The following CSMD1 variants were observed in gnomAD, a reference collection of about 807,000 sequenced individuals.
CSMD1 encodes CUB and sushi domain-containing protein 1.
A neutral mutation model predicts 417.5 loss-of-function variants in CSMD1; 213 were observed. That is an observed-to-expected ratio of 0.51 (90% CI 0.46 to 0.57). The LOEUF is 0.57. CSMD1 is among the 20% of genes least tolerant of loss of function. CSMD1 has a pLI of 0.00. For synonymous variants in CSMD1, 2,862 were observed against 1,736.8 expected (o/e 1.65, Z -16.11); for missense variants, 6,923 against 4,529.7 (o/e 1.53, Z -15.17).
chr8:3,913,295 C>T lies in CSMD1; in HGVS notation c.818+84608G>A, dbSNP rs1196778776. On this transcript the variant is annotated intron_variant, in intron 5 of 69. Transcript: ENST00000635120. ...CATGGGGAGGTTTTTGTCAAAGGAT[C>T]CTGTGAGGACCATCGACCTGCTCAG... is the stretch of plus-strand genomic sequence containing the variant. Among the ~76,000 whole-genome samples, 3 of 152,130 alleles carry T rather than the reference C, an allele frequency of 2.0e-5. No homozygotes were observed. In the South Asian group the frequency reaches 6.2e-4, roughly 32 times the overall value.
chr8:4,593,293 C>T (rs950737233), intron 2 of CSMD1, among the ~76,000 whole-genome samples: 10 of 152,220 alleles, frequency 6.6e-5, no homozygotes, highest in African/African-American at 2.2e-4. Flanking sequence ...GTTCCCTCTC[C>T]TCTTTACGCA....
chr8:3,442,015 T>C lies in CSMD1; in HGVS notation c.1561+26697A>G, dbSNP rs555859812. 3.9e-5 allele frequency among the ~76,000 whole-genome samples: 6 copies of C among 152,064 alleles called. No homozygotes were observed. In the South Asian group the frequency reaches 1.2e-3, roughly 32 times the overall value. ...AGACAGTGTGTAGGCCTAAGCTATG[T>C]TTTGTGTGTTTGTGTATTAGTTTTA... On this transcript the variant is annotated intron_variant, in intron 12 of 69. Coordinates refer to ENST00000635120, the MANE Select transcript of CSMD1 (RefSeq NM_033225.6).
chr8:4,231,500 T>G (rs533043362), intron 3 of CSMD1, among the ~76,000 whole-genome samples: 1 of 139,154 alleles, frequency 7.2e-6, no homozygotes, highest in South Asian at 2.6e-4. Flanking sequence ...GCCCTTCAAT[T>G]AGGAGACATA....
chr8:4,413,321 C>A (rs562639198), intron 3 of CSMD1, among the ~76,000 whole-genome samples: 18 of 152,248 alleles, frequency 1.2e-4, no homozygotes, highest in African/African-American at 2.9e-4. Context: ...TAACTACGCT[C>A]GTGGGGCTGC....
intron 3 of CSMD1, among the ~76,000 whole-genome samples, chr8:4,083,475 A>G (rs192275485): frequency 1.2e-4 from 18 of 152,324 alleles, no homozygotes; most frequent in Admixed American, 9.8e-4. Flanking sequence ...ACAGCATGGT[A>G]CTGGTACCAA....
At chr8:3,418,305 G>C (rs1050929437) in intron 12 of CSMD1, among the ~76,000 whole-genome samples, 2 of 152,120 alleles carry the variant, frequency 1.3e-5, no homozygotes, top group Admixed American at 6.5e-5. Context: ...CATCTCGCTT[G>C]TCTCATGGAG....
intron 3 of CSMD1, among the ~76,000 whole-genome samples, chr8:4,126,815 G>C (rs985551303): frequency 1.2e-4 from 19 of 152,130 alleles, no homozygotes; most frequent in African/African-American, 4.3e-4. Flanking sequence ...CCTAACCTGG[G>C]GTAGGAGATG....
At chr8:4,037,804 T>A (rs950264786) in intron 3 of CSMD1, among the ~76,000 whole-genome samples, 8 of 152,092 alleles carry the variant, frequency 5.3e-5, no homozygotes, top group Non-Finnish European at 1.0e-4. Context: ...CAGGTTGGAA[T>A]TGAATCTTTT....
chr8:3,736,317 C>G (rs1362413468), intron 6 of CSMD1, among the ~76,000 whole-genome samples: 1 of 152,062 alleles, frequency 6.6e-6, no homozygotes, highest in Non-Finnish European at 1.5e-5. Flanking sequence ...TCACGACTCA[C>G]TGCAGCCTCC....
At chr8:3,872,945 T>G (rs1420395233) in intron 5 of CSMD1, among the ~76,000 whole-genome samples, 3 of 151,130 alleles carry the variant, frequency 2.0e-5, no homozygotes, top group African/African-American at 2.4e-5. Context: ...AACAATCATA[T>G]GAAAAAAAGC....
intron 23 of CSMD1, among the ~76,000 whole-genome samples, chr8:3,339,863 C>G (rs989564588): frequency 2.0e-5 from 3 of 152,124 alleles, no homozygotes; most frequent in Middle Eastern, 3.2e-3. Context: ...TCATTATACA[C>G]CAGAAGCATA....
chr8:3,813,148 T>A (rs566632851), intron 5 of CSMD1, among the ~76,000 whole-genome samples: 7 of 151,690 alleles, frequency 4.6e-5, no homozygotes, highest in Non-Finnish European at 8.8e-5. Context: ...CCCACTGGCA[T>A]TGTAACACAA....
chr8:3,151,212 T>A (rs144587908), intron 40 of CSMD1, 185 bp downstream of exon 40: 3 of 518,450 alleles, frequency 5.8e-6, no homozygotes, highest in African/African-American at 1.9e-5. Flanking sequence ...CATGGCTTAA[T>A]TGATTTTTCA....
At chr8:3,591,024 T>C (rs1162188741) in intron 8 of CSMD1, among the ~76,000 whole-genome samples, 1 of 152,110 alleles carries the variant, frequency 6.6e-6, no homozygotes, top group African/African-American at 2.4e-5. Context: ...CAGAGGAAAA[T>C]TCCAGGAGAA....
chr8:3,929,624 A>G (rs1809998775), intron 5 of CSMD1, among the ~76,000 whole-genome samples: 1 of 150,340 alleles, frequency 6.7e-6, no homozygotes, highest in Non-Finnish European at 1.5e-5. Context: ...TTTAAAAGGA[A>G]GAGTATATTG....
At chr8:4,600,267 T>C (rs1053870896) in intron 2 of CSMD1, among the ~76,000 whole-genome samples, 1 of 152,142 alleles carries the variant, frequency 6.6e-6, no homozygotes, top group Admixed American at 6.6e-5. Context: ...TGACACTGGA[T>C]TTGACTTCCA....
intron 3 of CSMD1, among the ~76,000 whole-genome samples, chr8:4,397,038 A>C (rs1275385780): frequency 6.8e-6 from 1 of 146,600 alleles, no homozygotes; most frequent in African/African-American, 2.4e-5. Context: ...ATTAAAAAAA[A>C]AATAAAGAAA....
At chr8:3,449,445 C>T (rs111852129) in intron 12 of CSMD1, among the ~76,000 whole-genome samples, 15 of 151,728 alleles carry the variant, frequency 9.9e-5, no homozygotes, top group African/African-American at 2.9e-4. Flanking sequence ...GTCCTGGACT[C>T]GGAAAGTGAA....
intron 3 of CSMD1, among the ~76,000 whole-genome samples, chr8:4,218,282 C>T (rs146500062): frequency 4.4e-4 from 67 of 152,216 alleles, no homozygotes; most frequent in African/African-American, 1.6e-3. Flanking sequence ...AGCAATACAT[C>T]CAAGTTTGAC....
Sources: gnomAD v4.1 joint callset for allele counts (sites outside exome capture counted in the v4.1 genomes callset) on GRCh38, gnomAD v4.1.1 for gene constraint, MANE v1.5 for transcripts, NCBI Gene and HGNC (gene_info 2026-07-23, HGNC 2026-07-21) for gene names.